The following PCDHGA2 variants were observed in gnomAD, a reference collection of about 807,000 sequenced individuals.
The protein encoded by PCDHGA2 is protocadherin gamma-A2.
In PCDHGA2, 40 loss-of-function variants were observed where a neutral mutation model predicts 59.2. The ratio of observed to expected loss-of-function variants is 0.68; its 90% CI spans 0.52 to 0.88. PCDHGA2 has a LOEUF of 0.88. Among genes scored for constraint, PCDHGA2 ranks in the 40% least tolerant of loss-of-function variants. The probability of loss-of-function intolerance (pLI) is 0.00; values close to 1 mark genes in which losing one functional copy is unlikely to be tolerated. For synonymous variants in PCDHGA2, 560 were observed against 526.0 expected (o/e 1.06, Z -0.89); for missense variants, 1,226 against 1,204.0 (o/e 1.02, Z -0.27).
intron 1 of PCDHGA2, chr5:141,390,939 A>G (rs572047279): frequency 6.6e-6 from 1 of 152,412 alleles, no homozygotes; most frequent in Admixed American, 6.5e-5. Context: ...TTAGAAGATC[A>G]AAAGCAGATT....
At chr5:141,488,198 G>C (rs1007623840) in intron 1 of PCDHGA2, among the ~76,000 whole-genome samples, 1 of 152,166 alleles carries the variant, frequency 6.6e-6, no homozygotes, top group Non-Finnish European at 1.5e-5. Flanking sequence ...CTGGGTCTTA[G>C]GACTCATATC....
At chr5:141,467,273 G>T (rs879618653) in intron 1 of PCDHGA2, among the ~76,000 whole-genome samples, 1 of 151,828 alleles carries the variant, frequency 6.6e-6, no homozygotes, top group Admixed American at 6.6e-5. Context: ...GGCTGGTCTC[G>T]AACTCTTGAC....
At chr5:141,384,039 T>C in intron 1 of PCDHGA2, 1 of 1,612,888 alleles carries the variant, frequency 6.2e-7, no homozygotes, top group East Asian at 2.2e-5. Flanking sequence ...GAAAGAATGG[T>C]GAGGTGACCT....
intron 1 of PCDHGA2, chr5:141,350,355 G>T: frequency 6.4e-7 from 1 of 1,565,964 alleles, no homozygotes; most frequent in Non-Finnish European, 8.7e-7. Flanking sequence ...CAGCAGATCC[G>T]ATACACGATT....
intron 2 of PCDHGA2, among the ~76,000 whole-genome samples, chr5:141,502,238 T>A (rs2099813398): frequency 6.6e-6 from 1 of 152,204 alleles, no homozygotes; most frequent in Non-Finnish European, 1.5e-5. Flanking sequence ...TGTGTTCTTT[T>A]ATCCTTTTTT....
intron 1 of PCDHGA2, among the ~76,000 whole-genome samples, chr5:141,484,774 C>T (rs1269490742): frequency 6.6e-6 from 1 of 151,782 alleles, no homozygotes; most frequent in Non-Finnish European, 1.5e-5. Context: ...ATGTTGTCTG[C>T]CTCCCCACAG....
chr5:141,477,253 G>A lies in PCDHGA2; in HGVS notation c.2425-17554G>A, dbSNP rs1303718568. The A allele has an allele frequency of 1.9e-6, 3 of 1,614,154 alleles. No individual in the cohort carries two copies. The highest frequency in any genetic ancestry group is 2.2e-5 in the South Asian group (2 of 91,070). Reference sequence around the variant, plus strand: ...TCGCTTTGCTCAGTGTGACTGACCTGGATGCTGGCGAGAACGGGCTGGTGA... The same window carrying A: ...TCGCTTTGCTCAGTGTGACTGACCTAGATGCTGGCGAGAACGGGCTGGTGA... On this transcript the variant is annotated intron_variant, in intron 1 of 3. Transcript: ENST00000394576. This position sits in a 1 kb window ranked among gnomAD's most constrained non-coding sequence, Gnocchi z 4.9.
At position 141,404,691 on chromosome 5, in the gene PCDHGA2, G is replaced by A. The variant is rs200601931; in HGVS notation, c.2424+63296G>A. ...TCTACTGGTGTGGAGCTGGCACCCC[G>A]CTCTGCAGAGCCTGGCTACCTGGTG... is the stretch of plus-strand genomic sequence containing the variant. On this transcript the variant is annotated intron_variant, in intron 1 of 3. Transcript: ENST00000394576. 1.4e-5 allele frequency: 22 copies of A among 1,613,996 alleles called. No individual in the cohort carries two copies. The East Asian group carries it at 3.8e-4, about 28-fold the overall frequency.
intron 1 of PCDHGA2, chr5:141,350,440 A>G (rs1272491529): frequency 6.2e-7 from 1 of 1,610,678 alleles, no homozygotes; most frequent in African/African-American, 1.3e-5. Context: ...GGGAGTTGCC[A>G]ACTCGAAAAC....
chr5:141,340,110 C>A lies in PCDHGA2; in HGVS notation c.1139C>A (p.Ala380Glu). 1.2e-6 allele frequency: 2 copies of A among 1,614,082 alleles called. No homozygotes were observed. The highest frequency in any genetic ancestry group is 1.7e-6 in the Non-Finnish European group (2 of 1,179,928). ...CATGATAGAGACTCTGGGCAGAACG[C>A]ATTCACCACCTGTTCACTCCCCGAG... is the stretch of plus-strand genomic sequence containing the variant. ...NVHDRDSGQNAFTTCSLPEDL... is the reference protein window; with the variant it reads ...NVHDRDSGQNEFTTCSLPEDL... The change falls in exon 1 of 4, where the codon GCA becomes GAA. Residue 380 changes from alanine to glutamate, a missense_variant. Ala to Glu is a moderately radical substitution (Grantham distance 107). Coordinates refer to ENST00000394576, the MANE Select transcript of PCDHGA2 (RefSeq NM_018915.4).
intron 1 of PCDHGA2, among the ~76,000 whole-genome samples, chr5:141,469,671 A>G (rs1285283342): frequency 1.3e-5 from 2 of 152,236 alleles, no homozygotes; most frequent in Non-Finnish European, 2.9e-5. Flanking sequence ...TTCTAATAAA[A>G]CTACATATGC....
chr5:141,433,159 T>C, intron 1 of PCDHGA2: 2 of 1,613,968 alleles, frequency 1.2e-6, no homozygotes, highest in Non-Finnish European at 1.7e-6. Flanking sequence ...CGGTATTTTC[T>C]AAAGACAGTC....
intron 1 of PCDHGA2, chr5:141,366,551 G>A (rs372327694): frequency 1.2e-6 from 2 of 1,614,148 alleles, no homozygotes; most frequent in African/African-American, 2.7e-5. Context: ...CTCGCACTTT[G>A]TGGGCGTGGA....
rs763304027 is a variant in PCDHGA2, at chr5:141,340,082, G to A, written c.1111G>A (p.Val371Ile). 3 of 1,614,018 alleles carry A rather than the reference G, an allele frequency of 1.9e-6. No individual in the cohort carries two copies. Among genetic ancestry groups the A allele is most frequent in the Admixed American group, 1.7e-5 (1 of 60,012 alleles). Residue 371 changes from valine to isoleucine, a missense_variant, in exon 1 of 4, where the codon GTA (valine) becomes ATA (isoleucine). By Grantham distance (29) the Val-to-Ile change is conservative. Coordinates refer to ENST00000394576, the MANE Select transcript of PCDHGA2 (RefSeq NM_018915.4). ...LPGTIIGLFN[V>I]HDRDSGQNAF... ...AGGAACCATAATTGGGCTTTTTAAT[G>A]TACATGATAGAGACTCTGGGCAGAA...
chr5:141,476,328 G>C lies in PCDHGA2; in HGVS notation c.2425-18479G>C, dbSNP rs1381722714. On this transcript the variant is annotated intron_variant, in intron 1 of 3. Coordinates refer to ENST00000394576, the MANE Select transcript of PCDHGA2 (RefSeq NM_018915.4). This position sits in a 1 kb window ranked among gnomAD's most constrained non-coding sequence, Gnocchi z 7.6. Reference sequence around the variant, plus strand: ...GCCCGCAGGTTCCGGGTGGTGTCTGGAGCTAGCCGAAGATTCTTTGAGGTG... The same window carrying C: ...GCCCGCAGGTTCCGGGTGGTGTCTGCAGCTAGCCGAAGATTCTTTGAGGTG... 1 of 1,614,176 alleles carries C rather than the reference G, an allele frequency of 6.2e-7. No individual in the cohort carries two copies. Among genetic ancestry groups the C allele is most frequent in the East Asian group, 2.2e-5 (1 of 44,864 alleles).
chr5:141,370,282 G>A, intron 1 of PCDHGA2: 2 of 938,864 alleles, frequency 2.1e-6, no homozygotes, highest in South Asian at 3.9e-5. Context: ...ACACCCATTA[G>A]AGAACCCAAG....
intron 1 of PCDHGA2, chr5:141,403,339 C>T (rs2094393588): frequency 1.2e-6 from 2 of 1,613,892 alleles, no homozygotes; most frequent in Admixed American, 1.7e-5. Context: ...TTAACGACAG[C>T]GCCCCAAAGT....
chr5:141,436,048 T>G (rs553708148), intron 1 of PCDHGA2, among the ~76,000 whole-genome samples: 1 of 152,316 alleles, frequency 6.6e-6, no homozygotes, highest in South Asian at 2.1e-4. Context: ...TACATTAGTT[T>G]TCAAATAGAA....
At chr5:141,403,986 C>T in intron 1 of PCDHGA2, 1 of 1,613,704 alleles carries the variant, frequency 6.2e-7, no homozygotes, top group Non-Finnish European at 8.5e-7. Context: ...GACAATAGAC[C>T]TGAAGTGACC....
Sources: allele counts gnomAD v4.1 joint callset (sites outside exome capture counted in the v4.1 genomes callset), GRCh38; gene constraint gnomAD v4.1.1; non-coding constraint Gnocchi (gnomAD v3.1); transcripts MANE v1.5; gene names NCBI Gene and HGNC (gene_info 2026-07-23, HGNC 2026-07-21).